PRKN: variants seen among roughly 807,000 people sequenced by gnomAD.
PRKN encodes E3 ubiquitin-protein ligase parkin.
PRKN carries 56 observed loss-of-function variants against 59.5 expected under a neutral mutation model. That is an observed-to-expected ratio of 0.94 (90% CI 0.76 to 1.18). The LOEUF (loss-of-function observed/expected upper bound fraction) is 1.18, where lower values mean the gene tolerates loss of function less well. PRKN is among the 50% of genes most tolerant of loss of function. The probability of loss-of-function intolerance (pLI) is 0.00; values close to 1 mark genes in which losing one functional copy is unlikely to be tolerated. For missense variants in PRKN, 657 were observed against 596.4 expected, an observed-to-expected ratio of 1.10 and a Z score of -1.06; for synonymous variants, 250 against 222.1, an observed-to-expected ratio of 1.13 and a Z score of -1.12.
At chr6:162,510,277 C>A (rs1777537900) in intron 1 of PRKN, among the ~76,000 whole-genome samples, 1 of 152,150 alleles carries the variant, frequency 6.6e-6, no homozygotes, top group African/African-American at 2.4e-5. Flanking sequence ...AATTGAAATT[C>A]TGTTGGTTGA....
At chr6:161,901,626 G>C (rs929282955) in intron 6 of PRKN, among the ~76,000 whole-genome samples, 1 of 152,182 alleles carries the variant, frequency 6.6e-6, no homozygotes, top group Non-Finnish European at 1.5e-5. Flanking sequence ...TCAGACAACA[G>C]ATTACAAACA....
intron 4 of PRKN, among the ~76,000 whole-genome samples, chr6:162,115,262 G>A (rs1397465100): frequency 1.3e-5 from 2 of 149,790 alleles, no homozygotes; most frequent in Non-Finnish European, 3.0e-5. Context: ...ACCAAACACC[G>A]CATATTCTTA....
intron 6 of PRKN, among the ~76,000 whole-genome samples, chr6:161,947,007 T>C (rs1282039155): frequency 6.6e-6 from 1 of 152,112 alleles, no homozygotes; most frequent in Non-Finnish European, 1.5e-5. Flanking sequence ...TAATATTCTA[T>C]GTATCTATGC....
At chr6:162,395,200 A>G (rs896088049) in intron 2 of PRKN, among the ~76,000 whole-genome samples, 1 of 152,170 alleles carries the variant, frequency 6.6e-6, no homozygotes, top group Non-Finnish European at 1.5e-5. Flanking sequence ...CCTTCCCACA[A>G]TGAATTATGG....
At chr6:161,808,961 C>T (rs1048163585) in intron 6 of PRKN, among the ~76,000 whole-genome samples, 1 of 152,076 alleles carries the variant, frequency 6.6e-6, no homozygotes, top group Non-Finnish European at 1.5e-5. Flanking sequence ...CCACTTCAGC[C>T]TCCTGAGTAG....
intron 1 of PRKN, among the ~76,000 whole-genome samples, chr6:162,528,252 G>A (rs1329319610): frequency 1.3e-5 from 2 of 151,672 alleles, no homozygotes; most frequent in Admixed American, 6.6e-5. Context: ...AACCCGGGAG[G>A]TGGAGGTTGC....
In PRKN at chr6:161,448,268, G is replaced by A. The variant is rs1476523814; in HGVS notation, c.1084-61391C>T. Among the ~76,000 whole-genome samples, 1 of 152,152 alleles carries A rather than the reference G, an allele frequency of 6.6e-6. No individual in the cohort carries two copies. Among genetic ancestry groups the A allele is most frequent in the African/African-American group, 2.4e-5 (1 of 41,444 alleles). On this transcript the variant is annotated intron_variant, in intron 9 of 11. Coordinates refer to ENST00000366898, the MANE Select transcript of PRKN (RefSeq NM_004562.3). The surrounding 1 kb of genome is among the most constrained non-coding windows in gnomAD (Gnocchi z 5.1). Reference sequence around the variant, plus strand: ...CATTCTTTGGTGTCTGCGTATCTCTGAATGGCCACTCCCATGCAGCCCTTG... The same window carrying A: ...CATTCTTTGGTGTCTGCGTATCTCTAAATGGCCACTCCCATGCAGCCCTTG...
Position 161,709,974 on chromosome 6 carries a change from C to CAG in PRKN, c.871+75796_871+75797dup, listed in dbSNP as rs556433378. ...AAAATTATCACTCTTCCTCAACAGT[C>CAG]AGTGCTTCATGGAGATTTCAGTGAG... On this transcript the variant is annotated intron_variant, in intron 7 of 11. Transcript: ENST00000366898. Among the ~76,000 whole-genome samples, 318 of 152,212 alleles carry CAG rather than the reference C, an allele frequency of 2.1e-3. 1 individual carries two copies. The highest frequency in any genetic ancestry group is 3.4e-3 in the Non-Finnish European group (232 of 68,016).
intron 10 of PRKN, among the ~76,000 whole-genome samples, chr6:161,374,058 A>G (rs1785549648): frequency 6.6e-6 from 1 of 152,196 alleles, no homozygotes; most frequent in Admixed American, 6.5e-5. Flanking sequence ...CATCTGGTGC[A>G]TCAGAGGCGC....
intron 1 of PRKN, among the ~76,000 whole-genome samples, chr6:162,469,844 T>C (rs1326074817): frequency 6.6e-6 from 1 of 152,010 alleles, no homozygotes; most frequent in African/African-American, 2.4e-5. Context: ...CTTACACATG[T>C]AGCCAAATAT....
At position 161,349,455 on chromosome 6, in the gene PRKN, G is replaced by A; in HGVS notation, c.*644C>T. The A allele has an allele frequency of 4.3e-6, 1 of 231,996 alleles. No homozygotes were observed. The highest frequency in any genetic ancestry group is 8.5e-6 in the Non-Finnish European group (1 of 117,392). The allele number at this position is 231,996 out of a possible 1,614,324, so 14.4% of individuals were successfully genotyped here. A position where few individuals can be genotyped will look rare whatever the true frequency, so the allele number is the denominator to read the frequency against. On this transcript the variant is annotated 3_prime_UTR_variant, in exon 12 of 12. Coordinates refer to ENST00000366898, the MANE Select transcript of PRKN (RefSeq NM_004562.3). This position sits in a 1 kb window ranked among gnomAD's most constrained non-coding sequence, Gnocchi z 5.5. Reference sequence around the variant, plus strand: ...GTGACAAGTTGATTTACGCATAGTTGGTATTTCATTAATGCGATTTATATA... The same window carrying A: ...GTGACAAGTTGATTTACGCATAGTTAGTATTTCATTAATGCGATTTATATA...
At chr6:161,918,583 C>T (rs1778663532) in intron 6 of PRKN, among the ~76,000 whole-genome samples, 1 of 152,106 alleles carries the variant, frequency 6.6e-6, no homozygotes, top group African/African-American at 2.4e-5. Flanking sequence ...TATACAAACA[C>T]CTCTCAGGTT....
chr6:162,643,798 T>C (rs538280348), intron 1 of PRKN: 1 of 152,208 alleles, frequency 6.6e-6, no homozygotes, highest in African/African-American at 2.4e-5. Context: ...TCTTCTGAAG[T>C]ACACTAAATT....
At chr6:162,717,020 C>G (rs549046234) in intron 1 of PRKN, among the ~76,000 whole-genome samples, 197 of 152,258 alleles carry the variant, frequency 1.3e-3, no homozygotes, top group African/African-American at 4.5e-3. Flanking sequence ...AGGGACTTTG[C>G]AGATGTGATT....
rs987053676 is a variant in PRKN at position 161,562,217 on chromosome 6, C to T, written c.933+7138G>A. 2.0e-5 allele frequency among the ~76,000 whole-genome samples: 3 copies of T among 151,900 alleles called. No individual in the cohort carries two copies. In the East Asian group the frequency reaches 5.8e-4, roughly 30 times the overall value. On this transcript the variant is annotated intron_variant, in intron 8 of 11. Coordinates refer to ENST00000366898, the MANE Select transcript of PRKN (RefSeq NM_004562.3). This position sits in a 1 kb window ranked among gnomAD's most constrained non-coding sequence, Gnocchi z 4.3. ...CTGGAAGGCCTGCCTTCTCGGCTTC[C>T]TCAACACCATAAATCGCCATTCTCC...
At chr6:161,745,310 T>A (rs1317758000) in intron 7 of PRKN, among the ~76,000 whole-genome samples, 2 of 152,162 alleles carry the variant, frequency 1.3e-5, no homozygotes, top group Admixed American at 1.3e-4. Context: ...CTGGAGGTGG[T>A]GGCCTTGCCA....
chr6:161,453,114 C>G (rs1643376328), intron 9 of PRKN, among the ~76,000 whole-genome samples: 1 of 152,052 alleles, frequency 6.6e-6, no homozygotes, highest in African/African-American at 2.4e-5. Context: ...CCATTCATTC[C>G]CACAATCTAT....
intron 2 of PRKN, among the ~76,000 whole-genome samples, chr6:162,295,113 G>A (rs1109035): frequency 0.071 from 10,791 of 152,228 alleles, 1,001 homozygotes; most frequent in East Asian, 0.47. Context: ...TGTGAGAAGC[G>A]GCATGCACGC....
intron 1 of PRKN, among the ~76,000 whole-genome samples, chr6:162,553,685 C>A (rs1779423324): frequency 6.6e-6 from 1 of 151,416 alleles, no homozygotes. Context: ...CACCTGTAAT[C>A]TCAGCTACTC....
Sources: allele counts gnomAD v4.1 joint callset (sites outside exome capture counted in the v4.1 genomes callset), GRCh38; gene constraint gnomAD v4.1.1; non-coding constraint Gnocchi (gnomAD v3.1); transcripts MANE v1.5; gene names NCBI Gene and HGNC (gene_info 2026-07-23, HGNC 2026-07-21).